Variants in ALG5 observed in about 807,000 individuals in gnomAD.
The protein encoded by ALG5 is ALG5 dolichyl-phosphate beta-glucosyltransferase.
A neutral mutation model predicts 51.8 loss-of-function variants in ALG5; 26 were observed. The ratio of observed to expected loss-of-function variants is 0.50; its 90% CI spans 0.37 to 0.70. The LOEUF (loss-of-function observed/expected upper bound fraction) is 0.70. ALG5 is among the 30% of genes least tolerant of loss of function. ALG5 has a pLI of 0.00. For missense variants in ALG5, 311 were observed against 399.3 expected, an observed-to-expected ratio of 0.78 and a Z score of 1.88; for synonymous variants, 141 against 136.1, an observed-to-expected ratio of 1.04 and a Z score of -0.25.
chr13:36,986,011 T>C (rs1333053550), intron 5 of ALG5, among the ~76,000 whole-genome samples: 1 of 152,172 alleles, frequency 6.6e-6, no homozygotes, highest in East Asian at 1.9e-4. Context: ...TTTGGACAAA[T>C]TAAAGATATT....
chr13:36,994,965 A>AT (rs1453834111), intron 3 of ALG5, 24 bp downstream of exon 3: 13 of 1,600,892 alleles, frequency 8.1e-6, no homozygotes, highest in Non-Finnish European at 6.0e-6. Flanking sequence ...TGGAGATATC[A>AT]TATTAAAAGA....
chr13:36,980,949 A>G (rs1483705369), intron 6 of ALG5, among the ~76,000 whole-genome samples: 1 of 152,152 alleles, frequency 6.6e-6, no homozygotes, highest in Non-Finnish European at 1.5e-5. Flanking sequence ...ACTCCAACCC[A>G]GGTGACACAG....
At chr13:36,978,189 G>GTTTT (rs34782335) in intron 6 of ALG5, among the ~76,000 whole-genome samples, 4 of 124,788 alleles carry the variant, frequency 3.2e-5, no homozygotes, top group Non-Finnish European at 3.3e-5. Flanking sequence ...CCCCACCTTT[G>GTTTT]TTTTTTTTTT....
chr13:36,969,691 C>T (rs1177349684), intron 7 of ALG5, among the ~76,000 whole-genome samples: 6 of 151,928 alleles, frequency 3.9e-5, no homozygotes, highest in African/African-American at 1.5e-4. Context: ...GGCGCCACCA[C>T]ACCCAGCTAG....
In ALG5 at chr13:36,952,574, T is replaced by C. The variant is rs2058823315; in HGVS notation, c.799A>G (p.Ile267Val). 2 of 1,585,180 alleles carry C rather than the reference T, an allele frequency of 1.3e-6. No homozygotes were observed. Among genetic ancestry groups the C allele is most frequent in the Non-Finnish European group, 8.6e-7 (1 of 1,169,230 alleles). The stretch of plus-strand genomic sequence containing the variant: ...ATTGGAATTTTAAAGAACTGTGCTA[T>C]GTACAGTAGTTCTACATCAAATGCC... ...RWAFDVELLY[I>V]AQFFKIPIAE... Residue 267 changes from isoleucine to valine, a missense_variant, in exon 9 of 10, where the codon ATA becomes GTA. By Grantham distance (29) the Ile-to-Val change is conservative. Transcript: ENST00000239891.
chr13:36,975,023 C>T (rs1041344579), intron 6 of ALG5, among the ~76,000 whole-genome samples: 3 of 152,162 alleles, frequency 2.0e-5, no homozygotes, highest in Non-Finnish European at 4.4e-5. Flanking sequence ...TCATCCTGGC[C>T]TACATGGTGA....
intron 6 of ALG5, among the ~76,000 whole-genome samples, chr13:36,984,721 T>C (rs2058994504): frequency 6.6e-6 from 1 of 152,134 alleles, no homozygotes; most frequent in Non-Finnish European, 1.5e-5. Flanking sequence ...CTGAGTATTA[T>C]ATCTGGACTT....
In ALG5 at chr13:36,999,227, G is replaced by T. The variant is rs749775352; in HGVS notation, c.66+8C>A. ...CCGGCCTGCGCGGGTTCCCATCCCT[G>T]TTCTCACCAGTACGAGGGCTGCGGC... On this transcript the variant is annotated splice_region_variant and intron_variant, in intron 1 of 9. Transcript: ENST00000239891. The T allele has an allele frequency of 6.4e-7, 1 of 1,574,618 alleles. No homozygotes were observed. Among genetic ancestry groups the T allele is most frequent in the Admixed American group, 1.8e-5 (1 of 54,330 alleles).
chr13:36,969,021 A>G (rs9603121), intron 7 of ALG5, among the ~76,000 whole-genome samples: 137,951 of 152,264 alleles, frequency 0.91, 62,666 homozygotes, highest in East Asian at 1. Context: ...GGAATCAAGA[A>G]CACTAAACCA....
At chr13:36,950,761 T>G (rs967273929) in intron 9 of ALG5, among the ~76,000 whole-genome samples, 1 of 152,000 alleles carries the variant, frequency 6.6e-6, no homozygotes, top group Non-Finnish European at 1.5e-5. Context: ...ATTTTACAAT[T>G]TTTTTATAGA....
At chr13:36,964,965 G>A (rs964697960) in intron 8 of ALG5, among the ~76,000 whole-genome samples, 21 of 149,386 alleles carry the variant, frequency 1.4e-4, no homozygotes, top group Non-Finnish European at 2.2e-4. Context: ...TCCATATGAA[G>A]AAGGTGGGGT....
Position 36,972,134 on chromosome 13 carries a change from A to T in ALG5, c.562-98T>A, listed in dbSNP as rs557969047. 57 of 1,013,176 alleles carry T rather than the reference A, an allele frequency of 5.6e-5. No individual in the cohort carries two copies. The East Asian group carries it at 1.1e-3, about 19-fold the overall frequency. The allele number at this position is 1,013,176 out of a possible 1,614,324, so 62.8% of individuals were successfully genotyped here. The stretch of plus-strand genomic sequence containing the variant: ...TATCTCATTTTTAGAAACTGATTTT[A>T]AAAAAGTTGACATTAAAAATCTTTT... On this transcript the variant is annotated intron_variant, in intron 6 of 9. Coordinates refer to ENST00000239891, the MANE Select transcript of ALG5 (RefSeq NM_013338.5).
chr13:36,981,123 C>T (rs746190029), intron 6 of ALG5, among the ~76,000 whole-genome samples: 7 of 151,860 alleles, frequency 4.6e-5, no homozygotes, highest in Non-Finnish European at 1.0e-4. Context: ...AAATTGTAGG[C>T]AACTTTTGTA....
At chr13:36,987,650 A>G (rs777462930) in intron 5 of ALG5, among the ~76,000 whole-genome samples, 1 of 152,210 alleles carries the variant, frequency 6.6e-6, no homozygotes, top group Non-Finnish European at 1.5e-5. Flanking sequence ...AGAACCGTCA[A>G]TCAATCACAT....
At chr13:36,993,789 T>A in intron 3 of ALG5, 117 bp from the exon 4 acceptor site, 1 of 775,510 alleles carries the variant, frequency 1.3e-6, no homozygotes, top group Non-Finnish European at 2.1e-6. Context: ...TAAATTTGAA[T>A]ATAAATATTA....
intron 8 of ALG5, among the ~76,000 whole-genome samples, chr13:36,961,306 T>G (rs1340941890): frequency 6.6e-6 from 1 of 152,048 alleles, no homozygotes; most frequent in African/African-American, 2.4e-5. Flanking sequence ...TCCCAGCTAC[T>G]CAGCAGGCTG....
At position 36,955,908 on chromosome 13, in the gene ALG5, CAT is replaced by C. The variant is rs554107566; in HGVS notation, c.774-3311_774-3310del. ...AAACTGTAAAACTACTAGAAGAAAA[CAT>C]ATGGAAAAAACTAAATGACACTGGT... On this transcript the variant is annotated intron_variant, in intron 8 of 9. Coordinates refer to ENST00000239891, the MANE Select transcript of ALG5 (RefSeq NM_013338.5). Among the ~76,000 whole-genome samples the C allele has an allele frequency of 4.1e-3, 626 of 152,118 alleles. 5 individuals are homozygous for C. The highest frequency in any genetic ancestry group is 0.015 in the African/African-American group (610 of 41,518).
At chr13:36,952,102 T>C (rs1284295101) in intron 9 of ALG5, among the ~76,000 whole-genome samples, 2 of 152,234 alleles carry the variant, frequency 1.3e-5, no homozygotes, top group African/African-American at 4.8e-5. Flanking sequence ...AAAATTTTTA[T>C]TTCTTATTTA....
rs142630037 is a variant in ALG5, at chr13:36,984,741, C to T, written c.561+886G>A. ...TATTATATCTGGACTTGAGGGTAGA[C>T]GGTGGGAAGGCAGGGAGGAGGGACC... On this transcript the variant is annotated intron_variant, in intron 6 of 9. Transcript: ENST00000239891. Among the ~76,000 whole-genome samples the T allele has an allele frequency of 2.2e-4, 33 of 152,060 alleles. No individual in the cohort carries two copies. In the East Asian group the frequency reaches 3.3e-3, roughly 15 times the overall value.
Sources: allele counts gnomAD v4.1 joint callset (sites outside exome capture counted in the v4.1 genomes callset), GRCh38; gene constraint gnomAD v4.1.1; transcripts MANE v1.5; gene names NCBI Gene and HGNC (gene_info 2026-07-23, HGNC 2026-07-21).